CCDC167: variants seen among roughly 807,000 people sequenced by gnomAD.
CCDC167 encodes coiled-coil domain-containing protein 167.
In CCDC167, 15 loss-of-function variants were observed where a neutral mutation model predicts 12.7. The ratio of observed to expected loss-of-function variants is 1.18; its 90% CI spans 0.79 to 1.81. CCDC167 has a LOEUF of 1.81. Ranked by LOEUF, CCDC167 falls within the 40% of genes most tolerant of loss-of-function variation. The pLI, the probability that CCDC167 is intolerant of heterozygous loss-of-function variation, is 0.00. For synonymous variants in CCDC167, 52 were observed against 49.0 expected (o/e 1.06, Z -0.26); for missense variants, 121 against 120.1 (o/e 1.01, Z -0.03).
At chr6:37,494,579 T>G (rs1356523467) in intron 1 of CCDC167, among the ~76,000 whole-genome samples, 1 of 152,164 alleles carries the variant, frequency 6.6e-6, no homozygotes, top group Non-Finnish European at 1.5e-5. Context: ...TTCTGGCCAA[T>G]GAGACGTTCC....
At chr6:37,483,912 G>A (rs374179112) in intron 3 of CCDC167, among the ~76,000 whole-genome samples, 1 of 152,198 alleles carries the variant, frequency 6.6e-6, no homozygotes, top group Non-Finnish European at 1.5e-5. Context: ...CAGGTGACAC[G>A]CAGGTAGGGG....
intron 1 of CCDC167, among the ~76,000 whole-genome samples, chr6:37,492,469 G>A (rs1042783976): frequency 1.3e-5 from 2 of 152,108 alleles, no homozygotes; most frequent in Admixed American, 1.3e-4. Flanking sequence ...CCTTACACTG[G>A]GCCAACTCAA....
chr6:37,485,268 C>A, intron 1 of CCDC167, 74 bp from the exon 2 acceptor site: 1 of 1,156,486 alleles, frequency 8.6e-7, no homozygotes, highest in African/African-American at 1.5e-5. Context: ...GGAAGCAGGG[C>A]CTCCGGGAGT....
Position 37,492,998 on chromosome 6 carries a change from T to C in CCDC167, c.42+6824A>G, listed in dbSNP as rs568053674. On this transcript the variant is annotated intron_variant, in intron 1 of 3. Transcript: ENST00000373408. ...GTGGGGGCAGAAAAACCTCCGCCCA[T>C]GGCTCCCCACATCAACAGGCCCTGT... Among the ~76,000 whole-genome samples, 530 of 152,304 alleles carry C rather than the reference T, an allele frequency of 3.5e-3. 4 individuals carry two copies. The highest frequency in any genetic ancestry group is 0.012 in the African/African-American group (492 of 41,584).
At position 37,486,100 on chromosome 6, in the gene CCDC167, G is replaced by A. The variant is rs1581763042; in HGVS notation, c.43-906C>T. The stretch of plus-strand genomic sequence containing the variant: ...GGTGTCAGTGGGTGGAAGGGTTCAG[G>A]GGGCTCTGTGACCCTCCCAGCAGCT... On this transcript the variant is annotated intron_variant, in intron 1 of 3. Transcript: ENST00000373408. Among the ~76,000 whole-genome samples the A allele has an allele frequency of 2.0e-5, 3 of 152,290 alleles. No individual in the cohort carries two copies. In the South Asian group the frequency reaches 6.2e-4, roughly 32 times the overall value.
intron 1 of CCDC167, among the ~76,000 whole-genome samples, chr6:37,496,911 C>T (rs1452143782): frequency 2.0e-5 from 3 of 152,204 alleles, no homozygotes; most frequent in Non-Finnish European, 4.4e-5. Flanking sequence ...GGGCCCAGGA[C>T]AGTGGGTGTG....
At chr6:37,494,299 G>A (rs375855666) in intron 1 of CCDC167, among the ~76,000 whole-genome samples, 2 of 152,228 alleles carry the variant, frequency 1.3e-5, no homozygotes, top group South Asian at 2.1e-4. Flanking sequence ...GTGACCTCAG[G>A]TGATCCGCCC....
Position 37,483,336 on chromosome 6 carries a change from G to A in CCDC167, c.191-47C>T, listed in dbSNP as rs758759596. Reference sequence around the variant, plus strand: ...GGGATAGGACAGGCAGTTTAGGCCCGTCTGTTCTGCTCTGCCTCTCCAACG... The same window carrying A: ...GGGATAGGACAGGCAGTTTAGGCCCATCTGTTCTGCTCTGCCTCTCCAACG... On this transcript the variant is annotated intron_variant, in intron 3 of 3. Transcript: ENST00000373408. The A allele has an allele frequency of 1.6e-4, 209 of 1,329,908 alleles. 1 individual carries two copies. In the East Asian group the frequency reaches 2.9e-3, roughly 18 times the overall value. The allele number at this position is 1,329,908 out of a possible 1,614,324, so 82.4% of individuals were successfully genotyped here.
intron 3 of CCDC167, among the ~76,000 whole-genome samples, chr6:37,483,681 A>G (rs1249530767): frequency 6.6e-6 from 1 of 152,190 alleles, no homozygotes; most frequent in East Asian, 1.9e-4. Context: ...TCATCCGCCA[A>G]CCAGAAACTG....
intron 1 of CCDC167, among the ~76,000 whole-genome samples, chr6:37,494,399 A>C (rs918166850): frequency 6.6e-6 from 1 of 151,948 alleles, no homozygotes; most frequent in Non-Finnish European, 1.5e-5. Flanking sequence ...ATTCCAGTGA[A>C]TTTTCAATGA....
intron 3 of CCDC167, 118 bp from the exon 4 acceptor site, chr6:37,483,407 C>G: frequency 1.5e-6 from 1 of 676,472 alleles, no homozygotes; most frequent in Non-Finnish European, 2.7e-6. Flanking sequence ...TTCCAGCCAC[C>G]TCCTTACCCA....
intron 1 of CCDC167, among the ~76,000 whole-genome samples, chr6:37,491,183 A>G (rs988998590): frequency 4.6e-5 from 7 of 152,200 alleles, no homozygotes; most frequent in African/African-American, 1.7e-4. Flanking sequence ...ATGGGGTGCC[A>G]GCTCCACGGC....
chr6:37,490,723 AGGGGTGCTGG>A (rs1219728135), intron 1 of CCDC167, among the ~76,000 whole-genome samples: 1 of 152,132 alleles, frequency 6.6e-6, no homozygotes, highest in East Asian at 1.9e-4. Context: ...TGTAGGCCTG[AGGGGTGCTGG>A]GGACAAGGCC....
rs781010533 is a variant in CCDC167 at position 37,499,811 on chromosome 6, T to C, written c.42+11A>G. ...CTAACGAGGTGGCCCAACCCCCACT[T>C]TTCCCCTCACCTCTAGAGCGACGCC... On this transcript the variant is annotated intron_variant, in intron 1 of 3. Transcript: ENST00000373408. 2 of 1,613,832 alleles carry C rather than the reference T, an allele frequency of 1.2e-6. No homozygotes were observed. Among genetic ancestry groups the C allele is most frequent in the Admixed American group, 1.7e-5 (1 of 59,992 alleles).
At chr6:37,489,197 C>T (rs1203453811) in intron 1 of CCDC167, among the ~76,000 whole-genome samples, 2 of 151,942 alleles carry the variant, frequency 1.3e-5, no homozygotes, top group Non-Finnish European at 2.9e-5. Context: ...GATGGCACCA[C>T]TGCACTCCAG....
intron 1 of CCDC167, among the ~76,000 whole-genome samples, chr6:37,499,393 T>C (rs1040341890): frequency 4.6e-5 from 7 of 152,344 alleles, no homozygotes; most frequent in African/African-American, 1.7e-4. Context: ...ATTAATAATA[T>C]ACACCAGAAT....
chr6:37,499,484 C>T (rs1340289872), intron 1 of CCDC167, among the ~76,000 whole-genome samples: 2 of 152,178 alleles, frequency 1.3e-5, no homozygotes, highest in Non-Finnish European at 2.9e-5. Flanking sequence ...GGGTCTCCCT[C>T]ACCTCTGTAC....
At chr6:37,487,116 T>C (rs1485890885) in intron 1 of CCDC167, among the ~76,000 whole-genome samples, 1 of 152,156 alleles carries the variant, frequency 6.6e-6, no homozygotes, top group Non-Finnish European at 1.5e-5. Flanking sequence ...CCCTTCTGTT[T>C]GTGTCCAAAC....
intron 1 of CCDC167, among the ~76,000 whole-genome samples, chr6:37,498,718 G>C (rs528626877): frequency 3.9e-5 from 6 of 152,006 alleles, no homozygotes; most frequent in African/African-American, 1.5e-4. Flanking sequence ...CCAGCTACTC[G>C]GGAGGCTGAG....
Sources: allele counts gnomAD v4.1 joint callset (sites outside exome capture counted in the v4.1 genomes callset), GRCh38; gene constraint gnomAD v4.1.1; transcripts MANE v1.5; gene names NCBI Gene and HGNC (gene_info 2026-07-23, HGNC 2026-07-21).